NPR3: variants seen among roughly 807,000 people sequenced by gnomAD.
The protein encoded by NPR3 is natriuretic peptide receptor 3, also known as atrial natriuretic peptide receptor 3.
In NPR3, 34 loss-of-function variants were observed where a neutral mutation model predicts 54.5. That is an observed-to-expected ratio of 0.62 (90% CI 0.47 to 0.83). The LOEUF (loss-of-function observed/expected upper bound fraction) is 0.83, where lower values mean the gene tolerates loss of function less well. Among genes scored for constraint, NPR3 ranks in the 40% least tolerant of loss-of-function variants. The probability of loss-of-function intolerance (pLI) is 0.00; values close to 1 mark genes in which losing one functional copy is unlikely to be tolerated. For synonymous variants in NPR3, 289 were observed against 297.1 expected (o/e 0.97, Z 0.28); for missense variants, 674 against 720.8 (o/e 0.94, Z 0.74).
chr5:32,780,912 C>A, intron 5 of NPR3, 96 bp downstream of exon 5: 1 of 643,186 alleles, frequency 1.6e-6, no homozygotes, highest in Non-Finnish European at 2.8e-6. Flanking sequence ...GTCTCCAATG[C>A]AGCTTCCAAA....
chr5:32,717,912 A>G (rs367991757), intron 1 of NPR3, among the ~76,000 whole-genome samples: 3 of 152,138 alleles, frequency 2.0e-5, no homozygotes, highest in East Asian at 1.9e-4. Flanking sequence ...TTGGTGTTTC[A>G]GTCATGAAGT....
Position 32,786,277 on chromosome 5 carries a change from G to A in NPR3, c.1558G>A (p.Glu520Lys). ...ITIERRTQQEESNLGKHRELR... is the reference protein window; with the variant it reads ...ITIERRTQQEKSNLGKHRELR... ...CATTGAGAGGCGAACCCAGCAAGAA[G>A]AAAGTAACCTTGGAAAACATCGGGA... is the stretch of plus-strand genomic sequence containing the variant. The change falls in exon 8 of 8, where the codon GAA (glutamate) becomes AAA (lysine). Residue 520 changes from glutamate to lysine, a missense_variant. Coordinates refer to ENST00000265074, the MANE Select transcript of NPR3 (RefSeq NM_001204375.2). The A allele has an allele frequency of 6.3e-7, 1 of 1,589,260 alleles. No individual in the cohort carries two copies. Among genetic ancestry groups the A allele is most frequent in the Non-Finnish European group, 8.6e-7 (1 of 1,161,230 alleles).
intron 1 of NPR3, 110 bp downstream of exon 1, chr5:32,712,655 T>C: frequency 2.8e-6 from 3 of 1,084,074 alleles, no homozygotes; most frequent in Non-Finnish European, 2.6e-6. Context: ...GGCGCTGAGG[T>C]CGGGTGCGCG....
In NPR3 at chr5:32,774,829, A is replaced by C; in HGVS notation, c.1181A>C (p.Asn394Thr). 1 of 1,611,872 alleles carries C rather than the reference A, an allele frequency of 6.2e-7. No individual in the cohort carries two copies. The change falls in exon 4 of 8, where the codon AAC (asparagine) becomes ACC (threonine). Residue 394 changes from asparagine to threonine, a missense_variant. Coordinates refer to ENST00000265074, the MANE Select transcript of NPR3 (RefSeq NM_001204375.2). The part of the protein sequence containing the change: ...DGGKIIQQTW[N>T]RTFEGIAGQV... Reference sequence around the variant, plus strand: ...GGGAAAATTATACAGCAGACTTGGAACAGAACATTTGAAGGTGGGGATTCC... The same window carrying C: ...GGGAAAATTATACAGCAGACTTGGACCAGAACATTTGAAGGTGGGGATTCC...
intron 6 of NPR3, 200 bp downstream of exon 6, chr5:32,783,228 G>T: frequency 2.1e-6 from 1 of 470,424 alleles, no homozygotes; most frequent in Non-Finnish European, 3.7e-6. Context: ...CTTCCACAAT[G>T]GTAGAATGTT....
chr5:32,766,311 T>C (rs1173734), intron 3 of NPR3, among the ~76,000 whole-genome samples: 55,589 of 152,052 alleles, frequency 0.37, 12,331 homozygotes, highest in African/African-American at 0.63. Context: ...TCCACTAGTG[T>C]GGACGAAAAA....
intron 1 of NPR3, among the ~76,000 whole-genome samples, chr5:32,694,737 T>C (rs1245340747): frequency 6.6e-6 from 1 of 152,214 alleles, no homozygotes; most frequent in East Asian, 1.9e-4. Flanking sequence ...TTTTAAAATG[T>C]ACAACAAATT....
chr5:32,696,088 AT>A (rs1454872412), intron 1 of NPR3, among the ~76,000 whole-genome samples: 1 of 152,144 alleles, frequency 6.6e-6, no homozygotes, highest in Admixed American at 6.5e-5. Flanking sequence ...TACTCAAGAA[AT>A]CTTTGTCCAT....
intron 3 of NPR3, among the ~76,000 whole-genome samples, chr5:32,741,849 T>C (rs1561101995): frequency 6.6e-6 from 1 of 151,668 alleles, no homozygotes; most frequent in Non-Finnish European, 1.5e-5. Context: ...CCTTCGACTC[T>C]GGAGTAGGTG....
chr5:32,746,818 G>C (rs1740325371), intron 3 of NPR3, among the ~76,000 whole-genome samples: 1 of 152,102 alleles, frequency 6.6e-6, no homozygotes, highest in African/African-American at 2.4e-5. Context: ...CTCCTGATTT[G>C]TGTTTGGCAC....
intron 1 of NPR3, among the ~76,000 whole-genome samples, chr5:32,697,333 C>T (rs1561065981): frequency 6.6e-6 from 1 of 152,064 alleles, no homozygotes; most frequent in Non-Finnish European, 1.5e-5. Context: ...ATGAATCCTA[C>T]TTGGTCACAA....
chr5:32,759,957 G>A (rs1042201745), intron 3 of NPR3, among the ~76,000 whole-genome samples: 14 of 152,112 alleles, frequency 9.2e-5, no homozygotes, highest in East Asian at 1.9e-4. Flanking sequence ...GGCTTGTAGC[G>A]TTTCTGCTGA....
chr5:32,738,451 C>T (rs939303826), intron 2 of NPR3, among the ~76,000 whole-genome samples: 1 of 152,154 alleles, frequency 6.6e-6, no homozygotes, highest in Non-Finnish European at 1.5e-5. Flanking sequence ...ACACACATAA[C>T]ATCAGGTTTA....
intron 1 of NPR3, among the ~76,000 whole-genome samples, chr5:32,722,099 T>C (rs895681702): frequency 1.3e-5 from 2 of 151,234 alleles, no homozygotes; most frequent in Admixed American, 6.6e-5. Context: ...AACCAAACCA[T>C]AGCAGGAAGA....
At chr5:32,714,305 G>C (rs1276325733) in intron 1 of NPR3, among the ~76,000 whole-genome samples, 1 of 152,114 alleles carries the variant, frequency 6.6e-6, no homozygotes, top group East Asian at 1.9e-4. Context: ...GGGCATGTGT[G>C]AGACCAGAGG....
At chr5:32,711,250 G>T (rs1411417868), upstream of NPR3, 5 of 582,482 alleles carry the variant, frequency 8.6e-6, no homozygotes, top group Admixed American at 3.0e-4. Flanking sequence ...GCCCGGCCTC[G>T]GCGCGCCATG....
rs1742729554 is a variant in NPR3, at chr5:32,788,156, A to G, written c.*1811A>G. ...CACATTTCCCTTCTGTTGTTTAAGA[A>G]ATGGGAGCTGGGAGGCAGCTGAGAG... On this transcript the variant is annotated 3_prime_UTR_variant, in exon 8 of 8. Coordinates refer to ENST00000265074, the MANE Select transcript of NPR3 (RefSeq NM_001204375.2). The G allele has an allele frequency of 6.6e-6, 1 of 152,236 alleles. No homozygotes were observed. Among genetic ancestry groups the G allele is most frequent in the African/African-American group, 2.4e-5 (1 of 41,462 alleles). The allele number at this position is 152,236 out of a possible 1,614,324, so 9.4% of individuals were successfully genotyped here.
At chr5:32,783,781 G>T (rs1481183562) in intron 6 of NPR3, among the ~76,000 whole-genome samples, 2 of 152,134 alleles carry the variant, frequency 1.3e-5, no homozygotes, top group African/African-American at 4.8e-5. Context: ...GTTACTTGCT[G>T]GTTTTGTGAC....
chr5:32,712,472 C>T lies in NPR3; in HGVS notation c.696C>T (p.Ser232=), dbSNP rs1290709266. ...TCCAGGAGGAGGGTTTGCACACGTC[C>T]ATCTACAGTTTCGACGAGACCAAAG... ...EVFQEEGLHT[S]IYSFDETKDL... is the part of the protein sequence containing the mutation. The change falls in exon 1 of 8, where the codon TCC becomes TCT. Residue 232 remains serine (S), a synonymous_variant. Transcript: ENST00000265074. The T allele has an allele frequency of 6.3e-7, 1 of 1,596,474 alleles. No homozygotes were observed. Among genetic ancestry groups the T allele is most frequent in the Non-Finnish European group, 8.5e-7 (1 of 1,173,348 alleles).
Sources: allele counts gnomAD v4.1 joint callset (sites outside exome capture counted in the v4.1 genomes callset), GRCh38; gene constraint gnomAD v4.1.1; transcripts MANE v1.5; gene names NCBI Gene and HGNC (gene_info 2026-07-23, HGNC 2026-07-21).